HSP90AA1: variants seen among roughly 807,000 people sequenced by gnomAD.
HSP90AA1 encodes heat shock protein 90 alpha family class A member 1.
In HSP90AA1, 18 loss-of-function variants were observed where a neutral mutation model predicts 73.3. The observed-to-expected ratio is 0.25, with a 90% CI of 0.17 to 0.36. The LOEUF (loss-of-function observed/expected upper bound fraction) is 0.36. Ranked by LOEUF, HSP90AA1 falls within the 10% of genes least tolerant of loss-of-function variation. HSP90AA1 has a pLI of 1.00. For synonymous variants in HSP90AA1, 477 were observed against 296.9 expected (o/e 1.61, Z -6.24); for missense variants, 704 against 874.2 (o/e 0.81, Z 2.45).
chr14:102,115,717 C>T (rs2049697699), intron 1 of HSP90AA1, among the ~76,000 whole-genome samples: 1 of 151,254 alleles, frequency 6.6e-6, no homozygotes, highest in Non-Finnish European at 1.5e-5. Flanking sequence ...TCCACTCCAG[C>T]CTGGGTGACA....
chr14:102,093,282 G>A (rs1344023201), intron 2 of HSP90AA1, among the ~76,000 whole-genome samples: 1 of 150,724 alleles, frequency 6.6e-6, no homozygotes, highest in South Asian at 2.1e-4. Context: ...AGGCCAAGGC[G>A]GGCGGATCAC....
intron 3 of HSP90AA1, 122 bp from the exon 4 acceptor site, chr14:102,085,553 C>A: frequency 1.7e-6 from 2 of 1,201,744 alleles, no homozygotes; most frequent in Non-Finnish European, 2.4e-6. Context: ...CAAAGGCCAC[C>A]ACAGCAGAAC....
upstream of HSP90AA1, among the ~76,000 whole-genome samples, chr14:102,087,953 T>TC (rs2049289574): frequency 7.1e-6 from 1 of 141,032 alleles, no homozygotes; most frequent in African/African-American, 2.7e-5. Flanking sequence ...TTTTTTTTCT[T>TC]TTTTTTTTTT....
At position 102,083,015 on chromosome 14, in the gene HSP90AA1, A is replaced by AAAT. The variant is rs775988984; in HGVS notation, c.1755+16_1755+18dup. 500 of 1,610,238 alleles carry AAAT rather than the reference A, an allele frequency of 3.1e-4. No individual in the cohort carries two copies. Among genetic ancestry groups the AAAT allele is most frequent in the Non-Finnish European group, 3.8e-4 (451 of 1,176,610 alleles). The stretch of plus-strand genomic sequence containing the variant: ...CACCTTAGAAGTATCAATGATCAGG[A>AAAT]AATGCTGTATTCACATACCTTTTCA... On this transcript the variant is annotated intron_variant, in intron 9 of 10. Transcript: ENST00000216281.
rs949105975 is a variant in HSP90AA1 at position 102,081,515 on chromosome 14, A to G, written c.*197T>C. On this transcript the variant is annotated 3_prime_UTR_variant, in exon 11 of 11. Transcript: ENST00000216281. ...AAATAAACCAACATGAAACTCAAAA[A>G]GCATTACTAGCTCTGCTTTAGTGCC... is the stretch of plus-strand genomic sequence containing the variant. 3.3e-6 allele frequency: 2 copies of G among 603,618 alleles called. No homozygotes were observed. The highest frequency in any genetic ancestry group is 3.7e-5 in the African/African-American group (2 of 53,948). The allele number at this position is 603,618 out of a possible 1,614,324, so 37.4% of individuals were successfully genotyped here. A position where few individuals can be genotyped will look rare whatever the true frequency, so the allele number is the denominator to read the frequency against.
chr14:102,081,980 A>C (rs1488237620), intron 10 of HSP90AA1, 131 bp downstream of exon 10: 2 of 792,308 alleles, frequency 2.5e-6, no homozygotes, highest in Non-Finnish European at 4.4e-6. Context: ...TCCCTAAAAA[A>C]AACATACTTT....
Position 102,086,153 on chromosome 14 carries a change from T to C in HSP90AA1, c.163-29A>G, listed in dbSNP as rs149378258. ...TTAACAAAAAATATTAATTTAAGCA[T>C]ACAGCACCCCCAAGAAGTTCACACT... On this transcript the variant is annotated intron_variant, in intron 2 of 10. Transcript: ENST00000216281. The C allele has an allele frequency of 3.4e-3, 5,547 of 1,614,062 alleles. 179 individuals carry two copies. The highest frequency in any genetic ancestry group is 6.5e-4 in the East Asian group (29 of 44,860).
At chr14:102,082,911 G>A (rs577919433) in intron 9 of HSP90AA1, 123 bp downstream of exon 9, 17 of 1,029,158 alleles carry the variant, frequency 1.7e-5, no homozygotes, top group Middle Eastern at 2.5e-4. Context: ...GAGCCACCGC[G>A]CCCAGCCACA....
chr14:102,083,424 T>C lies in HSP90AA1; in HGVS notation c.1486+122A>G, dbSNP rs527853099. The C allele has an allele frequency of 8.0e-5, 113 of 1,420,090 alleles. 1 individual carries two copies. The highest frequency in any genetic ancestry group is 1.0e-4 in the Non-Finnish European group (104 of 1,007,498). The allele number at this position is 1,420,090 out of a possible 1,614,324, so 88.0% of individuals were successfully genotyped here. On this transcript the variant is annotated intron_variant, in intron 8 of 10. Transcript: ENST00000216281. ...CTAAGACAGAAAATGACCTAGTTCA[T>C]GTTAATTATCTTGCCTAGATCAATA...
rs185214387 is a variant in HSP90AA1, at chr14:102,086,595, C to T, written c.1-217G>A. ...CGCTTCCGGGAGGCCGCCGCAGGCC[C>T]GGGCCCAGTCCCCCGCCGCGGTCCC... On this transcript the variant is annotated intron_variant, in intron 1 of 10. Transcript: ENST00000216281. Among the ~76,000 whole-genome samples, 1,179 of 152,050 alleles carry T rather than the reference C, an allele frequency of 7.8e-3. 18 individuals are homozygous for T. Among genetic ancestry groups the T allele is most frequent in the African/African-American group, 0.027 (1,130 of 41,556 alleles).
intron 1 of HSP90AA1, among the ~76,000 whole-genome samples, chr14:102,138,220 C>A (rs894698041): frequency 2.0e-5 from 3 of 151,154 alleles, no homozygotes; most frequent in Non-Finnish European, 4.4e-5. Context: ...GGGTTTTTTT[C>A]CCCCCCCAAA....
chr14:102,113,340 T>TTC (rs763909632), intron 1 of HSP90AA1, among the ~76,000 whole-genome samples: 32 of 150,540 alleles, frequency 2.1e-4, no homozygotes, highest in Admixed American at 9.3e-4. Flanking sequence ...CTTGCTTGCT[T>TTC]TCTCTCTCTC....
chr14:102,139,649 C>T, exon 1 of HSP90AA1: 2 of 645,642 alleles, frequency 3.1e-6, no homozygotes, highest in South Asian at 4.0e-5. Flanking sequence ...AAGCCGGCAT[C>T]ACCTGGGAAG....
intron 1 of HSP90AA1, among the ~76,000 whole-genome samples, chr14:102,124,373 G>A (rs2049816253): frequency 6.6e-6 from 1 of 151,588 alleles, no homozygotes; most frequent in African/African-American, 2.4e-5. Context: ...TGTGTTTTTA[G>A]TAGAGGTGGG....
At chr14:102,128,220 G>A (rs574245000) in intron 1 of HSP90AA1, among the ~76,000 whole-genome samples, 42 of 152,096 alleles carry the variant, frequency 2.8e-4, no homozygotes, top group Non-Finnish European at 5.9e-4. Context: ...GGCTGGGCAC[G>A]GTGGCTCACA....
At chr14:102,090,531 G>A (rs1340485769), upstream of HSP90AA1, among the ~76,000 whole-genome samples, 1 of 151,406 alleles carries the variant, frequency 6.6e-6, no homozygotes, top group East Asian at 1.9e-4. Flanking sequence ...CTTGTTACAA[G>A]CTCCGCCTCC....
At chr14:102,087,957 T>TTC (rs1180122773), upstream of HSP90AA1, among the ~76,000 whole-genome samples, 123 of 142,114 alleles carry the variant, frequency 8.7e-4, 2 homozygotes, top group Non-Finnish European at 1.4e-4. Flanking sequence ...TTTTCTTTTT[T>TTC]TTTTTTTTGG....
chr14:102,133,337 A>G (rs1417387877), intron 1 of HSP90AA1, among the ~76,000 whole-genome samples: 2 of 152,206 alleles, frequency 1.3e-5, no homozygotes, highest in African/African-American at 4.8e-5. Context: ...CTCTAATGAT[A>G]TAATGAATAT....
At chr14:102,084,631 A>T (rs1420873382) in intron 5 of HSP90AA1, 50 bp downstream of exon 5, 3 of 1,614,174 alleles carry the variant, frequency 1.9e-6, no homozygotes, top group Middle Eastern at 1.6e-4. Flanking sequence ...GGGGTGGTGG[A>T]GAAAGATGAT....
Sources: gnomAD v4.1 joint callset for allele counts (sites outside exome capture counted in the v4.1 genomes callset) on GRCh38, gnomAD v4.1.1 for gene constraint, MANE v1.5 for transcripts, NCBI Gene and HGNC (gene_info 2026-07-23, HGNC 2026-07-21) for gene names.